ADGRL3: variants seen among roughly 807,000 people sequenced by gnomAD.
ADGRL3 encodes adhesion G protein-coupled receptor L3.
In ADGRL3, 62 loss-of-function variants were observed where a neutral mutation model predicts 153.5. The ratio of observed to expected loss-of-function variants is 0.40; its 90% CI spans 0.33 to 0.50. The LOEUF (loss-of-function observed/expected upper bound fraction) is 0.50, where lower values mean the gene tolerates loss of function less well. ADGRL3 is among the 20% of genes least tolerant of loss of function. The pLI is 0.47. For missense variants in ADGRL3, 1,641 were observed against 1,859.4 expected, an observed-to-expected ratio of 0.88 and a Z score of 2.16; for synonymous variants, 710 against 672.5, an observed-to-expected ratio of 1.06 and a Z score of -0.86.
rs552556577 is a variant in ADGRL3, at chr4:61,661,375, A to G, written c.474-15451A>G. ...TGACTTTTTCAATCAAAAACTAATA[A>G]AACTCTAACTACTATCCTGTAGTAG... On this transcript the variant is annotated intron_variant, in intron 5 of 26. Coordinates refer to ENST00000683033, the MANE Select transcript of ADGRL3 (RefSeq NM_001387552.1). 7.2e-5 allele frequency among the ~76,000 whole-genome samples: 11 copies of G among 152,226 alleles called. No individual in the cohort carries two copies. In the East Asian group the frequency reaches 1.9e-3, roughly 27 times the overall value.
At position 61,215,541 on chromosome 4, in the gene ADGRL3, ATTTTTTTTT is replaced by A. The variant is rs59691960; in HGVS notation, c.-240+13796_-240+13804del. Among the ~76,000 whole-genome samples, 8 of 73,704 alleles carry A rather than the reference ATTTTTTTTT, an allele frequency of 1.1e-4. 1 individual carries two copies. In the South Asian group the frequency reaches 2.9e-3, roughly 26 times the overall value. 48.4% of individuals were successfully genotyped at this position (73,704 alleles called of 152,430 possible). On this transcript the variant is annotated intron_variant, in intron 1 of 26. Coordinates refer to ENST00000683033, the MANE Select transcript of ADGRL3 (RefSeq NM_001387552.1). ...AGCACATGCTGCCTTCTATTATGGA[ATTTTTTTTT>A]TTTTTTTTTTTTTTTTTTTGAGATG...
chr4:61,983,577 C>A lies in ADGRL3; in HGVS notation c.3210C>A (p.Asp1070Glu). The A allele has an allele frequency of 6.2e-7, 1 of 1,613,790 alleles. No individual in the cohort carries two copies. The highest frequency in any genetic ancestry group is 8.5e-7 in the Non-Finnish European group (1 of 1,179,754). Residue 1070 changes from aspartate (D) to glutamate (E), a missense_variant, in exon 19 of 27, where the codon GAC becomes GAA. Asp to Glu is a conservative substitution (Grantham distance 45). This residue lies in a region of ADGRL3 where 32 missense variants were observed against 66.2 expected (regional missense o/e 0.48). Coordinates refer to ENST00000683033, the MANE Select transcript of ADGRL3 (RefSeq NM_001387552.1). ...TTGTGGCTGTGTCAGCTGCAGTAGACTACAGGAGTTATGGAACAGATAAAG... is the reference window on the plus strand; with the variant it reads ...TTGTGGCTGTGTCAGCTGCAGTAGAATACAGGAGTTATGGAACAGATAAAG... ...ALIVAVSAAV[D>E]YRSYGTDKVC...
At chr4:61,667,755 A>T (rs1336937654) in intron 5 of ADGRL3, among the ~76,000 whole-genome samples, 1 of 152,254 alleles carries the variant, frequency 6.6e-6, no homozygotes, top group Admixed American at 6.5e-5. Context: ...GCAAACAAAC[A>T]AACATAATCT....
chr4:61,295,258 C>T (rs943361348), intron 1 of ADGRL3, among the ~76,000 whole-genome samples: 3 of 151,916 alleles, frequency 2.0e-5, no homozygotes, highest in African/African-American at 7.3e-5. Flanking sequence ...AATAATGGCC[C>T]CAAAGTACAA....
intron 6 of ADGRL3, among the ~76,000 whole-genome samples, chr4:61,710,575 G>T (rs1031827315): frequency 1.3e-5 from 2 of 152,150 alleles, no homozygotes; most frequent in Non-Finnish European, 2.9e-5. Flanking sequence ...ATTTTTAAAT[G>T]AATTATACTA....
chr4:61,340,118 G>A (rs2095775354), intron 1 of ADGRL3, among the ~76,000 whole-genome samples: 1 of 152,168 alleles, frequency 6.6e-6, no homozygotes, highest in African/African-American at 2.4e-5. Flanking sequence ...TTTGGCAGCT[G>A]TGATGTGGTG....
At chr4:61,428,526 A>G (rs2097309607) in intron 2 of ADGRL3, among the ~76,000 whole-genome samples, 1 of 152,198 alleles carries the variant, frequency 6.6e-6, no homozygotes, top group Non-Finnish European at 1.5e-5. Flanking sequence ...AGTGCCAGAA[A>G]ATTAGTTTAT....
At chr4:61,871,239 C>G (rs2098443606) in intron 9 of ADGRL3, among the ~76,000 whole-genome samples, 1 of 151,150 alleles carries the variant, frequency 6.6e-6, no homozygotes, top group Non-Finnish European at 1.5e-5. Flanking sequence ...GATCGCACCA[C>G]TGCACTCCAG....
intron 9 of ADGRL3, among the ~76,000 whole-genome samples, chr4:61,851,898 C>T (rs1433335928): frequency 1.3e-5 from 2 of 152,080 alleles, no homozygotes; most frequent in African/African-American, 4.8e-5. Context: ...CTTGTTTTGC[C>T]ACACACCTAG....
At chr4:61,706,902 T>G (rs2095866816) in intron 6 of ADGRL3, among the ~76,000 whole-genome samples, 1 of 152,208 alleles carries the variant, frequency 6.6e-6, no homozygotes, top group Admixed American at 6.5e-5. Flanking sequence ...AAGTCTAACT[T>G]TCAGCCTATT....
intron 5 of ADGRL3, among the ~76,000 whole-genome samples, chr4:61,620,634 C>CTTTTTTTTTTTTTTTTT (rs71664993): frequency 1.4e-5 from 1 of 69,704 alleles, no homozygotes; most frequent in African/African-American, 5.8e-5. Context: ...TAAATTGTGA[C>CTTTTTTTTTTTTTTTTT]TTTTTTTTTT....
At chr4:61,893,229 A>G (rs1276299429) in intron 10 of ADGRL3, among the ~76,000 whole-genome samples, 3 of 151,858 alleles carry the variant, frequency 2.0e-5, no homozygotes, top group African/African-American at 7.2e-5. Flanking sequence ...CTAAATTACA[A>G]TTTAAAGCTA....
At chr4:61,248,095 C>T (rs760430567) in intron 1 of ADGRL3, among the ~76,000 whole-genome samples, 1 of 152,050 alleles carries the variant, frequency 6.6e-6, no homozygotes, top group African/African-American at 2.4e-5. Flanking sequence ...GCGAACTGCT[C>T]TATGTGTGAA....
chr4:61,561,796 A>G (rs1021952549), intron 4 of ADGRL3, among the ~76,000 whole-genome samples: 21 of 151,648 alleles, frequency 1.4e-4, no homozygotes, highest in African/African-American at 5.1e-4. Context: ...TTGACTTTAG[A>G]ATTATTATTA....
At chr4:61,405,182 G>T (rs1032417856) in intron 2 of ADGRL3, among the ~76,000 whole-genome samples, 4 of 151,974 alleles carry the variant, frequency 2.6e-5, no homozygotes, top group Admixed American at 6.6e-5. Context: ...CCATTATGGA[G>T]AATTCAGAAA....
chr4:61,584,311 T>C (rs2098937678), intron 4 of ADGRL3, among the ~76,000 whole-genome samples: 1 of 151,970 alleles, frequency 6.6e-6, no homozygotes, highest in African/African-American at 2.4e-5. Context: ...ACACAAACTC[T>C]GGTACTCCAT....
intron 17 of ADGRL3, among the ~76,000 whole-genome samples, chr4:61,965,910 A>G (rs1050518613): frequency 1.3e-5 from 2 of 152,220 alleles, no homozygotes; most frequent in Non-Finnish European, 2.9e-5. Context: ...TTACTGGCTA[A>G]TTTAAAAATC....
At chr4:61,908,227 T>C (rs1453045010) in intron 11 of ADGRL3, among the ~76,000 whole-genome samples, 1 of 151,864 alleles carries the variant, frequency 6.6e-6, no homozygotes, top group Non-Finnish European at 1.5e-5. Flanking sequence ...CAGTGAACTG[T>C]GATGAGCTAT....
At chr4:61,625,075 A>T (rs2092754575) in intron 5 of ADGRL3, among the ~76,000 whole-genome samples, 1 of 152,102 alleles carries the variant, frequency 6.6e-6, no homozygotes, top group Non-Finnish European at 1.5e-5. Context: ...TAGAACGTGA[A>T]ATGTAGAAAA....
Sources: allele counts gnomAD v4.1 joint callset (sites outside exome capture counted in the v4.1 genomes callset), GRCh38; gene constraint gnomAD v4.1.1; regional missense constraint gnomAD v4.1.1; transcripts MANE v1.5; gene names NCBI Gene and HGNC (gene_info 2026-07-23, HGNC 2026-07-21).